The following DOK6 variants were observed in gnomAD, a reference collection of about 807,000 sequenced individuals.
DOK6 encodes docking protein 6.
A neutral mutation model predicts 44.0 loss-of-function variants in DOK6; 22 were observed. The observed-to-expected ratio is 0.50, with a 90% confidence interval of 0.36 to 0.71. DOK6 has a LOEUF of 0.71. Among genes scored for constraint, DOK6 ranks in the 30% least tolerant of loss-of-function variants. The pLI, the probability that DOK6 is intolerant of heterozygous loss-of-function variation, is 0.00. For missense variants in DOK6, 340 were observed against 416.4 expected (o/e 0.82, Z 1.60); for synonymous variants, 166 against 145.5 (o/e 1.14, Z -1.01).
intron 6 of DOK6, among the ~76,000 whole-genome samples, chr18:69,745,747 C>A (rs2144743697): frequency 6.6e-6 from 1 of 152,304 alleles, no homozygotes; most frequent in East Asian, 1.9e-4. Context: ...ACAATGATAT[C>A]ATAATATGTA....
intron 3 of DOK6, among the ~76,000 whole-genome samples, chr18:69,600,604 G>T (rs1162765439): frequency 6.6e-6 from 1 of 151,932 alleles, no homozygotes; most frequent in Non-Finnish European, 1.5e-5. Flanking sequence ...CTTCCTGTCA[G>T]CTGTCTTAAA....
rs555996886 is a variant in DOK6 at position 69,783,491 on chromosome 18, T to C, written c.856+25618T>C. ...AGCTACTAGTAAATTTAACGTTACA[T>C]TGGTGTTTTATATACTACGTGCATT... On this transcript the variant is annotated intron_variant, in intron 7 of 7. Transcript: ENST00000382713. 5.4e-4 allele frequency among the ~76,000 whole-genome samples: 83 copies of C among 152,318 alleles called. 2 individuals carry two copies. The highest frequency in any genetic ancestry group is 1.8e-3 in the African/African-American group (73 of 41,580).
intron 3 of DOK6, among the ~76,000 whole-genome samples, chr18:69,638,719 C>A (rs1008476595): frequency 2.0e-4 from 31 of 152,054 alleles, no homozygotes; most frequent in Admixed American, 1.6e-3. Context: ...GGTTCATTTG[C>A]GGTTCTTCAA....
At chr18:69,509,011 C>T (rs1477781143) in intron 1 of DOK6, among the ~76,000 whole-genome samples, 2 of 152,148 alleles carry the variant, frequency 1.3e-5, no homozygotes, top group Non-Finnish European at 2.9e-5. Context: ...ATAGATAGAA[C>T]AATGATGTGT....
At chr18:69,689,973 G>T (rs992781841) in intron 4 of DOK6, among the ~76,000 whole-genome samples, 1 of 152,054 alleles carries the variant, frequency 6.6e-6, no homozygotes, top group Non-Finnish European at 1.5e-5. Context: ...AATACTTTCA[G>T]TATAATAATT....
At chr18:69,808,738 T>C (rs960694303) in intron 7 of DOK6, among the ~76,000 whole-genome samples, 1 of 151,672 alleles carries the variant, frequency 6.6e-6, no homozygotes, top group African/African-American at 2.4e-5. Context: ...GACTGAATCA[T>C]GAAGAAATAG....
At position 69,842,207 on chromosome 18, in the gene DOK6, G is replaced by A. The variant is rs925217708; in HGVS notation, c.*824G>A. 12 of 150,546 alleles carry A rather than the reference G, an allele frequency of 8.0e-5. No homozygotes were observed. The highest frequency in any genetic ancestry group is 2.4e-4 in the African/African-American group (10 of 40,920). 9.3% of individuals were successfully genotyped at this position (150,546 alleles called of 1,614,324 possible). A position where few individuals can be genotyped will look rare whatever the true frequency, so the allele number is the denominator to read the frequency against. On this transcript the variant is annotated 3_prime_UTR_variant, in exon 8 of 8. Coordinates refer to ENST00000382713, the MANE Select transcript of DOK6 (RefSeq NM_152721.6). Reference sequence around the variant, plus strand: ...ATGTAATCCAGTCTGTTCCTAACAAGTGTAAGCAAAAATGTGAGAAGGGGA... The same window carrying A: ...ATGTAATCCAGTCTGTTCCTAACAAATGTAAGCAAAAATGTGAGAAGGGGA...
At chr18:69,807,354 G>A (rs1981082211) in intron 7 of DOK6, among the ~76,000 whole-genome samples, 2 of 151,726 alleles carry the variant, frequency 1.3e-5, no homozygotes, top group Non-Finnish European at 2.9e-5. Context: ...TAATCACAAA[G>A]GAAGACAACA....
chr18:69,739,191 G>T, intron 6 of DOK6, 88 bp downstream of exon 6: 1 of 1,549,828 alleles, frequency 6.5e-7, no homozygotes. Context: ...GGCCATTCAT[G>T]TCAGCGCCTG....
intron 5 of DOK6, among the ~76,000 whole-genome samples, chr18:69,714,000 AT>A (rs1238549046): frequency 1.6e-4 from 25 of 152,118 alleles, no homozygotes; most frequent in Non-Finnish European, 1.3e-4. Flanking sequence ...ATCTATGATC[AT>A]TTCTGTCTCG....
intron 7 of DOK6, among the ~76,000 whole-genome samples, chr18:69,779,576 G>A (rs1436585650): frequency 6.6e-6 from 1 of 152,078 alleles, no homozygotes; most frequent in African/African-American, 2.4e-5. Context: ...TGTAAATAGA[G>A]AGAATATGTA....
At chr18:69,786,087 C>T (rs1029548205) in intron 7 of DOK6, among the ~76,000 whole-genome samples, 2 of 151,986 alleles carry the variant, frequency 1.3e-5, no homozygotes, top group Admixed American at 1.3e-4. Flanking sequence ...TTAAAATGCT[C>T]TTATGAGGAA....
chr18:69,488,918 A>T (rs760512137), intron 1 of DOK6, among the ~76,000 whole-genome samples: 25 of 152,214 alleles, frequency 1.6e-4, no homozygotes, highest in Non-Finnish European at 2.6e-4. Context: ...ACTCCTGTTT[A>T]TTGATCTGTG....
chr18:69,622,863 G>GA (rs772265479), intron 3 of DOK6, among the ~76,000 whole-genome samples: 1 of 152,074 alleles, frequency 6.6e-6, no homozygotes, highest in Non-Finnish European at 1.5e-5. Flanking sequence ...TGACTAGGAA[G>GA]AAAAAAAGAA....
At chr18:69,746,813 TTCTTGAACATGAGAAGGTGTTCTG>T (rs1354494265) in intron 6 of DOK6, among the ~76,000 whole-genome samples, 16 of 152,214 alleles carry the variant, frequency 1.1e-4, no homozygotes, top group African/African-American at 3.6e-4. Flanking sequence ...ATTGGTGTTC[TTCTTGAACATGAGAAGGTGTTCTG>T]TCTTGAACAT....
At chr18:69,605,889 T>A (rs957401098) in intron 3 of DOK6, among the ~76,000 whole-genome samples, 4 of 152,276 alleles carry the variant, frequency 2.6e-5, no homozygotes, top group African/African-American at 9.6e-5. Flanking sequence ...GTTGCCACAG[T>A]AAGGCAAGAA....
chr18:69,564,047 CTGT>C (rs1479968342), intron 1 of DOK6, among the ~76,000 whole-genome samples: 1 of 152,092 alleles, frequency 6.6e-6, no homozygotes, highest in African/African-American at 2.4e-5. Flanking sequence ...TAATGAACAT[CTGT>C]TTTTAAAAAT....
chr18:69,762,642 T>C (rs907002511), intron 7 of DOK6, among the ~76,000 whole-genome samples: 2 of 152,184 alleles, frequency 1.3e-5, no homozygotes, highest in African/African-American at 2.4e-5. Flanking sequence ...CAGAAAACTT[T>C]CATATATTTA....
intron 7 of DOK6, among the ~76,000 whole-genome samples, chr18:69,802,289 CA>C (rs1255407054): frequency 6.6e-6 from 1 of 152,098 alleles, no homozygotes; most frequent in Non-Finnish European, 1.5e-5. Context: ...GAAGATTTTT[CA>C]ACTTCATGAT....
Sources: allele counts gnomAD v4.1 joint callset (sites outside exome capture counted in the v4.1 genomes callset), GRCh38; gene constraint gnomAD v4.1.1; transcripts MANE v1.5; gene names NCBI Gene and HGNC (gene_info 2026-07-23, HGNC 2026-07-21).